SHC3: variants seen among roughly 807,000 people sequenced by gnomAD.
The protein encoded by SHC3 is SHC adaptor protein 3, also known as SHC-transforming protein 3.
A neutral mutation model predicts 60.4 loss-of-function variants in SHC3; 15 were observed. The ratio of observed to expected loss-of-function variants is 0.25; its 90% confidence interval spans 0.17 to 0.38. The LOEUF (loss-of-function observed/expected upper bound fraction) is 0.38, where lower values mean the gene tolerates loss of function less well. SHC3 is among the 10% of genes least tolerant of loss of function. The probability of loss-of-function intolerance (pLI) is 1.00; values close to 1 mark genes in which losing one functional copy is unlikely to be tolerated. For missense variants in SHC3, 677 were observed against 786.1 expected, an observed-to-expected ratio of 0.86 and a Z score of 1.66; for synonymous variants, 294 against 325.9, an observed-to-expected ratio of 0.90 and a Z score of 1.05.
intron 5 of SHC3, among the ~76,000 whole-genome samples, chr9:89,066,372 A>C (rs555309401): frequency 6.6e-5 from 10 of 152,322 alleles, no homozygotes; most frequent in Non-Finnish European, 1.3e-4. Context: ...CTTGGACATA[A>C]ATAATGATCT....
At chr9:89,024,803 G>A (rs1475804025) in intron 11 of SHC3, among the ~76,000 whole-genome samples, 1 of 152,202 alleles carries the variant, frequency 6.6e-6, no homozygotes, top group Non-Finnish European at 1.5e-5. Context: ...CCTGCAGGGT[G>A]GGCTGGGGCT....
intron 11 of SHC3, among the ~76,000 whole-genome samples, chr9:89,016,714 A>C (rs1826101142): frequency 6.6e-6 from 1 of 152,240 alleles, no homozygotes; most frequent in Non-Finnish European, 1.5e-5. Flanking sequence ...AAAGACATTA[A>C]AAGAAAACTA....
intron 3 of SHC3, among the ~76,000 whole-genome samples, chr9:89,075,703 G>A (rs573378519): frequency 3.7e-4 from 57 of 152,252 alleles, no homozygotes; most frequent in Non-Finnish European, 7.4e-4. Flanking sequence ...GGATGTTCGC[G>A]GCCGAAGGGA....
At chr9:89,114,189 G>A (rs146666567) in intron 1 of SHC3, among the ~76,000 whole-genome samples, 1 of 152,134 alleles carries the variant, frequency 6.6e-6, no homozygotes, top group South Asian at 2.1e-4. Context: ...GAATTATGAA[G>A]ATACCACAAA....
intron 1 of SHC3, among the ~76,000 whole-genome samples, chr9:89,162,638 C>T (rs1826726113): frequency 1.3e-5 from 2 of 151,362 alleles, no homozygotes; most frequent in African/African-American, 4.9e-5. Context: ...ACCATAAAAA[C>T]CCTAGAAGAA....
At chr9:89,132,703 C>G (rs1346368512) in intron 1 of SHC3, among the ~76,000 whole-genome samples, 1 of 152,154 alleles carries the variant, frequency 6.6e-6, no homozygotes, top group Non-Finnish European at 1.5e-5. Flanking sequence ...AACTGGCTAG[C>G]CACATGTAGA....
At chr9:89,161,037 G>A (rs896296968) in intron 1 of SHC3, among the ~76,000 whole-genome samples, 4 of 151,772 alleles carry the variant, frequency 2.6e-5, no homozygotes, top group South Asian at 2.1e-4. Flanking sequence ...TTCCTCTGTC[G>A]TCTGTCGCAT....
At chr9:89,166,066 A>G (rs1406449120) in intron 1 of SHC3, among the ~76,000 whole-genome samples, 2 of 152,150 alleles carry the variant, frequency 1.3e-5, no homozygotes, top group Non-Finnish European at 2.9e-5. Flanking sequence ...CACACACTCC[A>G]GCCACGCAGG....
chr9:89,095,170 G>A (rs1825683607), intron 2 of SHC3, among the ~76,000 whole-genome samples: 2 of 152,132 alleles, frequency 1.3e-5, no homozygotes, highest in Admixed American at 6.5e-5. Flanking sequence ...TGTACACCAT[G>A]TTCATGGAAG....
chr9:89,110,118 C>T, intron 2 of SHC3: 1 of 985,390 alleles, frequency 1.0e-6, no homozygotes, highest in Non-Finnish European at 1.2e-6. Context: ...TTTCCTTTCA[C>T]AAGTTTGATT....
At chr9:89,107,631 G>A (rs1487690473) in intron 2 of SHC3, among the ~76,000 whole-genome samples, 1 of 152,162 alleles carries the variant, frequency 6.6e-6, no homozygotes, top group African/African-American at 2.4e-5. Context: ...GCTTGGCCAT[G>A]AAACATGTTT....
At chr9:89,035,216 T>C (rs1337899370) in intron 11 of SHC3, among the ~76,000 whole-genome samples, 3 of 152,198 alleles carry the variant, frequency 2.0e-5, no homozygotes, top group Non-Finnish European at 4.4e-5. Flanking sequence ...TCTGCCGGAC[T>C]TTGTCAGCCC....
intron 11 of SHC3, among the ~76,000 whole-genome samples, chr9:89,034,254 A>AGG: frequency 6.6e-6 from 1 of 152,268 alleles, no homozygotes; most frequent in African/African-American, 2.4e-5. Context: ...CTTTTTAAAC[A>AGG]GATTCCTAGA....
intron 2 of SHC3, among the ~76,000 whole-genome samples, chr9:89,089,487 C>T (rs1196441733): frequency 6.6e-6 from 1 of 152,140 alleles, no homozygotes; most frequent in Non-Finnish European, 1.5e-5. Flanking sequence ...CCTTAAAGCT[C>T]ACACACCACC....
intron 1 of SHC3, among the ~76,000 whole-genome samples, chr9:89,127,449 C>T (rs960410091): frequency 1.2e-4 from 19 of 152,198 alleles, no homozygotes; most frequent in African/African-American, 4.6e-4. Flanking sequence ...CCTGGGGCTC[C>T]TTGAGAAAAA....
chr9:89,155,808 A>G (rs925942523), intron 1 of SHC3, among the ~76,000 whole-genome samples: 2 of 152,166 alleles, frequency 1.3e-5, no homozygotes, highest in African/African-American at 4.8e-5. Context: ...CTGAGGGTTC[A>G]TCTGTTAAAA....
intron 1 of SHC3, among the ~76,000 whole-genome samples, chr9:89,154,995 T>C (rs979283716): frequency 6.6e-6 from 1 of 152,150 alleles, no homozygotes; most frequent in Non-Finnish European, 1.5e-5. Context: ...CCACTTCTAT[T>C]CTCATTTTCA....
In SHC3 at chr9:89,097,505, G is replaced by C. The variant is rs143356586; in HGVS notation, c.545+15051C>G. 5.1e-3 allele frequency among the ~76,000 whole-genome samples: 770 copies of C among 152,298 alleles called. 3 individuals carry two copies. Among genetic ancestry groups the C allele is most frequent in the Non-Finnish European group, 9.1e-3 (616 of 68,010 alleles). ...ATCTTCATTTTTAAAAGGCCCTGGGGGCAGAAAGGAAGGAGGAATTATCGA... is the reference window on the plus strand; with the variant it reads ...ATCTTCATTTTTAAAAGGCCCTGGGCGCAGAAAGGAAGGAGGAATTATCGA... On this transcript the variant is annotated intron_variant, in intron 2 of 11. Transcript: ENST00000375835.
chr9:89,158,565 T>TC (rs916752289), intron 1 of SHC3, among the ~76,000 whole-genome samples: 49 of 152,226 alleles, frequency 3.2e-4, no homozygotes, highest in Non-Finnish European at 5.7e-4. Context: ...CTTTTGTCCA[T>TC]CCTTGCGATT....
Sources: allele counts gnomAD v4.1 joint callset (sites outside exome capture counted in the v4.1 genomes callset), GRCh38; gene constraint gnomAD v4.1.1; transcripts MANE v1.5; gene names NCBI Gene and HGNC (gene_info 2026-07-23, HGNC 2026-07-21).